The following TATDN2 variants were observed in gnomAD, a reference collection of about 807,000 sequenced individuals.
TATDN2 encodes the protein 3'-5' RNA nuclease TATDN2.
TATDN2 carries 44 observed loss-of-function variants against 60.3 expected under a neutral mutation model. The ratio of observed to expected loss-of-function variants is 0.73; its 90% CI spans 0.57 to 0.94. The LOEUF (loss-of-function observed/expected upper bound fraction) is 0.94, where lower values mean the gene tolerates loss of function less well. TATDN2 is among the 40% of genes least tolerant of loss of function. The pLI is 0.00. For missense variants in TATDN2, 997 were observed against 948.0 expected, an observed-to-expected ratio of 1.05 and a Z score of -0.68; for synonymous variants, 399 against 355.8, an observed-to-expected ratio of 1.12 and a Z score of -1.37.
At chr3:10,254,137 G>A (rs1047551709) in intron 2 of TATDN2, among the ~76,000 whole-genome samples, 3 of 152,192 alleles carry the variant, frequency 2.0e-5, no homozygotes, top group East Asian at 1.9e-4. Flanking sequence ...TAGTGCACAC[G>A]TGGAACACCA....
At chr3:10,277,440 C>T (rs1201778652) in intron 5 of TATDN2, among the ~76,000 whole-genome samples, 1 of 152,126 alleles carries the variant, frequency 6.6e-6, no homozygotes, top group East Asian at 1.9e-4. Flanking sequence ...AGCAGGGGCC[C>T]ATTATCATAG....
Position 10,249,218 on chromosome 3 carries a change from C to T in TATDN2, c.18C>T (p.Gly6=), listed in dbSNP as rs765967557. The T allele has an allele frequency of 7.8e-5, 119 of 1,527,986 alleles. 3 individuals carry two copies. The South Asian group carries it at 1.5e-3, about 19-fold the overall frequency. 94.7% of individuals were successfully genotyped at this position (1,527,986 alleles called of 1,614,324 possible). ...AGGTGCCCATGGCGTCCGAGCGGGG[C>T]AAGGTCAAGCACAACTGGAGCAGCA... MASER[G]KVKHNWSSTS... The change falls in exon 2 of 8, where the codon GGC becomes GGT. Residue 6 remains glycine, a synonymous_variant. Coordinates refer to ENST00000448281, the MANE Select transcript of TATDN2 (RefSeq NM_014760.4).
At position 10,270,425 on chromosome 3, in the gene TATDN2, C is replaced by A; in HGVS notation, c.1243C>A (p.Arg415Ser). The A allele has an allele frequency of 6.2e-7, 1 of 1,614,156 alleles. No homozygotes were observed. Among genetic ancestry groups the A allele is most frequent in the Non-Finnish European group, 8.5e-7 (1 of 1,180,030 alleles). ...AAQVGKSSRSRMSDYSPNSTG... is the reference protein window; with the variant it reads ...AAQVGKSSRSSMSDYSPNSTG... ...CCAGGTTGGGAAGAGCAGCCGGAGCCGCATGAGTGATTATTCCCCCAACTC... is the reference window on the plus strand; with the variant it reads ...CCAGGTTGGGAAGAGCAGCCGGAGCAGCATGAGTGATTATTCCCCCAACTC... Residue 415 changes from arginine to serine, a missense_variant, in exon 4 of 8, where the codon CGC (arginine) becomes AGC (serine). Physicochemically the swap from Arg to Ser is moderately radical, Grantham distance 110. Coordinates refer to ENST00000448281, the MANE Select transcript of TATDN2 (RefSeq NM_014760.4).
At chr3:10,258,599 A>T (rs937790082) in intron 2 of TATDN2, among the ~76,000 whole-genome samples, 4 of 151,532 alleles carry the variant, frequency 2.6e-5, no homozygotes, top group African/African-American at 9.7e-5. Flanking sequence ...CTCCTGAGTA[A>T]GTGGGATTAC....
At chr3:10,252,924 TCG>T in intron 2 of TATDN2, among the ~76,000 whole-genome samples, 2 of 148,382 alleles carry the variant, frequency 1.3e-5, no homozygotes, top group East Asian at 4.1e-4. Context: ...TGGTGCAATC[TCG>T]GCTCACTGCA....
Position 10,269,650 on chromosome 3 carries a change from G to A in TATDN2, c.949-481G>A, listed in dbSNP as rs974031694. On this transcript the variant is annotated intron_variant, in intron 3 of 7. Transcript: ENST00000448281. ...CAGTAGTTCAAGGTTTCAGTGAGTC[G>A]AGATCTCACCACCGCATTCCAGCCT... is the stretch of plus-strand genomic sequence containing the variant. Among the ~76,000 whole-genome samples, 9 of 151,994 alleles carry A rather than the reference G, an allele frequency of 5.9e-5. No individual in the cohort carries two copies. The South Asian group carries it at 1.9e-3, about 32-fold the overall frequency.
Position 10,278,629 on chromosome 3 carries a change from G to A in TATDN2, c.2145+167G>A, listed in dbSNP as rs78028516. The A allele has an allele frequency of 1.5e-5, 16 of 1,056,740 alleles. No individual in the cohort carries two copies. In the East Asian group the frequency reaches 4.0e-4, roughly 27 times the overall value. The allele number at this position is 1,056,740 out of a possible 1,614,324, so 65.5% of individuals were successfully genotyped here. ...ACTCTGCAGAACCAAAAGTCTAGGG[G>A]GCTGAGAAGCTGAAGGGTAACCACT... On this transcript the variant is annotated intron_variant, in intron 6 of 7. Transcript: ENST00000448281. The surrounding 1 kb of genome is among the most constrained non-coding windows in gnomAD (Gnocchi z 4.7).
intron 3 of TATDN2, among the ~76,000 whole-genome samples, chr3:10,266,410 A>T (rs1025056509): frequency 3.3e-5 from 5 of 152,196 alleles, no homozygotes; most frequent in African/African-American, 7.2e-5. Context: ...TTACGTATCT[A>T]TTTGGAGACA....
Position 10,278,679 on chromosome 3 carries a change from A to G in TATDN2, c.2146-206A>G, listed in dbSNP as rs2125182750. On this transcript the variant is annotated intron_variant, in intron 6 of 7. Coordinates refer to ENST00000448281, the MANE Select transcript of TATDN2 (RefSeq NM_014760.4). This position sits in a 1 kb window ranked among gnomAD's most constrained non-coding sequence, Gnocchi z 4.7. Reference sequence around the variant, plus strand: ...TCTCTTCCAGGCAGTGCAAAGCCCTACCCTGTAGAGGGTAGTCCAAGGAAG... The same window carrying G: ...TCTCTTCCAGGCAGTGCAAAGCCCTGCCCTGTAGAGGGTAGTCCAAGGAAG... The G allele has an allele frequency of 2.0e-6, 2 of 980,396 alleles. No individual in the cohort carries two copies. Among genetic ancestry groups the G allele is most frequent in the East Asian group, 2.6e-5 (1 of 38,494 alleles). The allele number at this position is 980,396 out of a possible 1,614,324, so 60.7% of individuals were successfully genotyped here.
At chr3:10,255,000 T>G in intron 2 of TATDN2, among the ~76,000 whole-genome samples, 1 of 104,262 alleles carries the variant, frequency 9.6e-6, no homozygotes, top group African/African-American at 5.4e-5. Context: ...CCCTTCCTCC[T>G]TCCCACTTCC....
Position 10,260,461 on chromosome 3 carries a change from CAGA to C in TATDN2, c.742_744del (p.Lys248del). On this transcript the variant is annotated inframe_deletion, in exon 3 of 8. Coordinates refer to ENST00000448281, the MANE Select transcript of TATDN2 (RefSeq NM_014760.4). Reference sequence around the variant, plus strand: ...CAGGAGTGTCACAGTCACTGCTGCTCAGAAGGAGAAAGACGCAACCCCAGAGGT... The same window carrying C: ...CAGGAGTGTCACAGTCACTGCTGCTCAGGAGAAAGACGCAACCCCAGAGGT... 5 of 1,614,010 alleles carry C rather than the reference CAGA, an allele frequency of 3.1e-6. 1 individual carries two copies. The highest frequency in any genetic ancestry group is 1.6e-4 in the Middle Eastern group (1 of 6,062).
In TATDN2 at chr3:10,251,779, C is replaced by G. The variant is rs534056992; in HGVS notation, c.414+2165C>G. Among the ~76,000 whole-genome samples, 7 of 152,148 alleles carry G rather than the reference C, an allele frequency of 4.6e-5. No homozygotes were observed. In the South Asian group the frequency reaches 1.2e-3, roughly 27 times the overall value. ...GCGCAATCATGTCTCACTGTAGCCT[C>G]AAACTCCTGGGGTCAAGCAATCTTC... On this transcript the variant is annotated intron_variant, in intron 2 of 7. Transcript: ENST00000448281.
chr3:10,255,018 C>T (rs563730547), intron 2 of TATDN2, among the ~76,000 whole-genome samples: 2 of 133,142 alleles, frequency 1.5e-5, no homozygotes, highest in Non-Finnish European at 3.2e-5. Flanking sequence ...TCCCACTCCC[C>T]CTCCCCCTCC....
Position 10,249,371 on chromosome 3 carries a change from C to A in TATDN2, c.171C>A (p.Ala57=). Residue 57 remains alanine (A), a synonymous_variant, in exon 2 of 8, where the codon GCC becomes GCA. Transcript: ENST00000448281. The part of the protein sequence containing the change: ...GGPSSPKRLK[A]QKEDDVACSR... Reference sequence around the variant, plus strand: ...CCAGCAGCCCCAAGCGCCTGAAAGCCCAGAAGGAGGACGATGTGGCTTGCT... The same window carrying A: ...CCAGCAGCCCCAAGCGCCTGAAAGCACAGAAGGAGGACGATGTGGCTTGCT... The A allele has an allele frequency of 1.2e-6, 2 of 1,613,176 alleles. No homozygotes were observed. The highest frequency in any genetic ancestry group is 8.5e-7 in the Non-Finnish European group (1 of 1,179,470).
Position 10,260,399 on chromosome 3 carries a change from G to A in TATDN2, c.677G>A (p.Arg226Lys). The A allele has an allele frequency of 6.2e-7, 1 of 1,613,638 alleles. No homozygotes were observed. The highest frequency in any genetic ancestry group is 8.5e-7 in the Non-Finnish European group (1 of 1,179,932). ...CCCAGCCATGGAGAAGGACCAGCCA[G>A]GAGTGAAGGACCAGCCAAGACTGCA... The part of the protein sequence containing the change: ...EHPSHGEGPA[R>K]SEGPAKTAEG... Residue 226 changes from arginine to lysine, a missense_variant, in exon 3 of 8, where the codon AGG (arginine) becomes AAG (lysine). Coordinates refer to ENST00000448281, the MANE Select transcript of TATDN2 (RefSeq NM_014760.4).
At chr3:10,264,312 T>C (rs2125176514) in intron 3 of TATDN2, among the ~76,000 whole-genome samples, 1 of 152,326 alleles carries the variant, frequency 6.6e-6, no homozygotes, top group East Asian at 1.9e-4. Flanking sequence ...CTTCTCTTGG[T>C]CTGCCAGTGA....
rs1194298306 is a variant in TATDN2, at chr3:10,249,292, A to G, written c.92A>G (p.Asp31Gly). The change falls in exon 2 of 8, where the codon GAT becomes GGT. Residue 31 changes from aspartate to glycine, a missense_variant. Physicochemically the swap from Asp to Gly is moderately conservative, Grantham distance 94. Coordinates refer to ENST00000448281, the MANE Select transcript of TATDN2 (RefSeq NM_014760.4). ...CGCAGCTGCCTCCGGGAGCCCTGTG[A>G]TGTGGCCCCCTCCAGCCGGCCAGCT... is the stretch of plus-strand genomic sequence containing the variant. Reference protein sequence around the residue: ...RKRSCLREPCDVAPSSRPAQR... With the variant: ...RKRSCLREPCGVAPSSRPAQR... 1 of 1,604,170 alleles carries G rather than the reference A, an allele frequency of 6.2e-7. No homozygotes were observed. The highest frequency in any genetic ancestry group is 8.5e-7 in the Non-Finnish European group (1 of 1,173,746).
chr3:10,249,254 G>A lies in TATDN2; in HGVS notation c.54G>A (p.Gly18=). Residue 18 remains glycine, a synonymous_variant, in exon 2 of 8, where the codon GGG becomes GGA. Coordinates refer to ENST00000448281, the MANE Select transcript of TATDN2 (RefSeq NM_014760.4). The stretch of plus-strand genomic sequence containing the variant: ...ACAACTGGAGCAGCACGTCGGAAGG[G>A]TGTCCCCGCAAGCGCAGCTGCCTCC... The part of the protein sequence containing the change: ...VKHNWSSTSE[G]CPRKRSCLRE... The A allele has an allele frequency of 1.1e-5, 17 of 1,568,976 alleles. No homozygotes were observed. Among genetic ancestry groups the A allele is most frequent in the Non-Finnish European group, 1.4e-5 (16 of 1,156,166 alleles).
intron 2 of TATDN2, among the ~76,000 whole-genome samples, chr3:10,250,775 C>G (rs1005342695): frequency 1.3e-5 from 2 of 152,198 alleles, no homozygotes; most frequent in Non-Finnish European, 2.9e-5. Flanking sequence ...CGTAGGAATG[C>G]TGAATTTGTC....
Sources: gnomAD v4.1 joint callset for allele counts (sites outside exome capture counted in the v4.1 genomes callset) on GRCh38, gnomAD v4.1.1 for gene constraint, Gnocchi (gnomAD v3.1) non-coding constraint, MANE v1.5 for transcripts, NCBI Gene and HGNC (gene_info 2026-07-23, HGNC 2026-07-21) for gene names.